NCOA2: variants seen among roughly 807,000 people sequenced by gnomAD.
NCOA2 encodes class E basic helix-loop-helix protein 75.
NCOA2 carries 21 observed loss-of-function variants against 145.1 expected under a neutral mutation model. That is an observed-to-expected ratio of 0.14 (90% CI 0.10 to 0.21). The LOEUF is 0.21. NCOA2 is among the 10% of genes least tolerant of loss of function. The pLI, the probability that NCOA2 is intolerant of heterozygous loss-of-function variation, is 1.00. For missense variants in NCOA2, 1,472 were observed against 1,837.6 expected, an observed-to-expected ratio of 0.80 and a Z score of 3.64; for synonymous variants, 619 against 637.5, an observed-to-expected ratio of 0.97 and a Z score of 0.44.
chr8:70,292,452 G>A (rs191875532), intron 2 of NCOA2, among the ~76,000 whole-genome samples: 9 of 151,556 alleles, frequency 5.9e-5, no homozygotes, highest in Admixed American at 5.9e-4. Context: ...ACCCAGCCCT[G>A]AGGCAGGAGA....
chr8:70,119,317 T>C (rs1807505978), intron 22 of NCOA2, among the ~76,000 whole-genome samples: 1 of 152,232 alleles, frequency 6.6e-6, no homozygotes, highest in East Asian at 1.9e-4. Context: ...GATATTTGTC[T>C]TTTTGTGCCT....
chr8:70,390,822 T>C (rs530499827), intron 1 of NCOA2, among the ~76,000 whole-genome samples: 1 of 152,112 alleles, frequency 6.6e-6, no homozygotes, highest in African/African-American at 2.4e-5. Context: ...CACACATACA[T>C]ATGAAGAATA....
intron 1 of NCOA2, among the ~76,000 whole-genome samples, chr8:70,347,137 T>G (rs1808731736): frequency 6.6e-6 from 1 of 152,170 alleles, no homozygotes; most frequent in Non-Finnish European, 1.5e-5. Flanking sequence ...TACACACATG[T>G]ACTTTTATCT....
intron 1 of NCOA2, among the ~76,000 whole-genome samples, chr8:70,340,867 G>C (rs1808068970): frequency 6.6e-6 from 1 of 152,022 alleles, no homozygotes; most frequent in African/African-American, 2.4e-5. Context: ...CTTGTAAGTG[G>C]GAGTTGAATG....
intron 2 of NCOA2, among the ~76,000 whole-genome samples, chr8:70,263,714 G>A (rs1231837287): frequency 6.6e-6 from 1 of 150,782 alleles, no homozygotes; most frequent in Non-Finnish European, 1.5e-5. Context: ...GGGCGGCAGA[G>A]TGAGACTCCA....
rs1810822772 is a variant in NCOA2, at chr8:70,144,711, G to T, written c.2743C>A (p.Pro915Thr). ...IRNSSPYSVI[P>T]QPGMMGNQGM... is the part of the protein sequence containing the mutation. ...TGATTACCCATCATTCCTGGCTGAG[G>T]TATCACTGAGTAGGGACTACTGTTT... The change falls in exon 13 of 23, where the codon CCT becomes ACT. Residue 915 changes from proline (P) to threonine (T), a missense_variant. Coordinates refer to ENST00000452400, the MANE Select transcript of NCOA2 (RefSeq NM_006540.4). 5.0e-6 allele frequency: 8 copies of T among 1,613,810 alleles called. No individual in the cohort carries two copies. The highest frequency in any genetic ancestry group is 5.1e-6 in the Non-Finnish European group (6 of 1,179,882).
intron 1 of NCOA2, among the ~76,000 whole-genome samples, chr8:70,321,770 C>T (rs1423632314): frequency 1.7e-5 from 2 of 114,340 alleles, no homozygotes; most frequent in Non-Finnish European, 3.6e-5. Flanking sequence ...TTAGGTAATG[C>T]TTTCCTAAGT....
chr8:70,256,658 T>C (rs1393294436), intron 2 of NCOA2, among the ~76,000 whole-genome samples: 1 of 152,248 alleles, frequency 6.6e-6, no homozygotes, highest in Non-Finnish European at 1.5e-5. Context: ...TCTAAGCTTT[T>C]TATTAATATT....
rs1811811372 is a variant in NCOA2, at chr8:70,152,053, C to G, written c.2395-3570G>C. Reference sequence around the variant, plus strand: ...TGTTAGGCACAATTTCTTTACAAGACAAAAAGATTAATGCCTTCCTTTAAA... The same window carrying G: ...TGTTAGGCACAATTTCTTTACAAGAGAAAAAGATTAATGCCTTCCTTTAAA... On this transcript the variant is annotated intron_variant, in intron 11 of 22. Coordinates refer to ENST00000452400, the MANE Select transcript of NCOA2 (RefSeq NM_006540.4). Among the ~76,000 whole-genome samples, 3 of 152,160 alleles carry G rather than the reference C, an allele frequency of 2.0e-5. No individual in the cohort carries two copies. In the South Asian group the frequency reaches 6.2e-4, roughly 32 times the overall value.
chr8:70,390,348 G>A (rs1813075415), intron 1 of NCOA2, among the ~76,000 whole-genome samples: 1 of 152,176 alleles, frequency 6.6e-6, no homozygotes, highest in Non-Finnish European at 1.5e-5. Context: ...AAGCTTAAAA[G>A]TTTCAAGCCA....
At chr8:70,214,557 G>C (rs975904043) in intron 3 of NCOA2, among the ~76,000 whole-genome samples, 1 of 152,080 alleles carries the variant, frequency 6.6e-6, no homozygotes, top group East Asian at 1.9e-4. Context: ...TAATTTTATA[G>C]ACTTCTTCAG....
chr8:70,289,571 T>G (rs1397429715), intron 2 of NCOA2, among the ~76,000 whole-genome samples: 1 of 152,094 alleles, frequency 6.6e-6, no homozygotes, highest in African/African-American at 2.4e-5. Flanking sequence ...ACCATTAGGT[T>G]GACACTAATG....
intron 4 of NCOA2, among the ~76,000 whole-genome samples, chr8:70,199,995 A>G (rs938045282): frequency 6.6e-6 from 1 of 152,210 alleles, no homozygotes; most frequent in African/African-American, 2.4e-5. Flanking sequence ...AAACATGAAC[A>G]AGCTTTTCTT....
chr8:70,213,310 T>A (rs1006176948), intron 4 of NCOA2, among the ~76,000 whole-genome samples: 2 of 151,896 alleles, frequency 1.3e-5, no homozygotes, highest in African/African-American at 4.8e-5. Context: ...GGCATAAATA[T>A]CAAAGAAAAG....
At chr8:70,424,321 T>C in the NCOA2 span, 1 of 371,530 alleles carries the variant, frequency 2.7e-6, no homozygotes, top group South Asian at 2.2e-5. Flanking sequence ...CTTTCCATCC[T>C]TCTGCCTGTT....
chr8:70,321,110 T>C (rs1456100788), intron 1 of NCOA2, among the ~76,000 whole-genome samples: 1 of 152,170 alleles, frequency 6.6e-6, no homozygotes, highest in African/African-American at 2.4e-5. Context: ...TTTGGGATTT[T>C]CTTCTAGGCC....
At chr8:70,238,311 G>A (rs1178527068) in intron 2 of NCOA2, among the ~76,000 whole-genome samples, 2 of 152,108 alleles carry the variant, frequency 1.3e-5, no homozygotes, top group Admixed American at 6.6e-5. Context: ...AATATATTAG[G>A]TGCTTAGTAA....
intron 1 of NCOA2, among the ~76,000 whole-genome samples, chr8:70,305,049 CTTTTTT>C (rs780225619): frequency 7.8e-6 from 1 of 128,378 alleles, no homozygotes. Context: ...TTTATTCATT[CTTTTTT>C]TTTTTTTTTT....
chr8:70,214,208 G>A, intron 3 of NCOA2, 133 bp from the exon 4 acceptor site: 22 of 851,950 alleles, frequency 2.6e-5, no homozygotes, highest in South Asian at 8.8e-5. Flanking sequence ...TACTTTTGGG[G>A]GAAAAACACA....
Sources: gnomAD v4.1 joint callset for allele counts (sites outside exome capture counted in the v4.1 genomes callset) on GRCh38, gnomAD v4.1.1 for gene constraint, MANE v1.5 for transcripts, NCBI Gene and HGNC (gene_info 2026-07-23, HGNC 2026-07-21) for gene names.